Variants in PTK2B observed in about 807,000 individuals in gnomAD.
PTK2B encodes protein-tyrosine kinase 2-beta.
A neutral mutation model predicts 142.9 loss-of-function variants in PTK2B; 71 were observed. The observed-to-expected ratio is 0.50, with a 90% CI of 0.41 to 0.61. PTK2B has a LOEUF of 0.61. PTK2B is among the 20% of genes least tolerant of loss of function. The pLI, the probability that PTK2B is intolerant of heterozygous loss-of-function variation, is 0.00. For missense variants in PTK2B, 1,105 were observed against 1,320.4 expected (o/e 0.84, Z 2.53); for synonymous variants, 519 against 503.4 (o/e 1.03, Z -0.42).
chr8:27,420,618 C>T, intron 3 of PTK2B, 39 bp from the exon 4 acceptor site: 2 of 1,581,250 alleles, frequency 1.3e-6, no homozygotes, highest in Non-Finnish European at 1.7e-6. Context: ...CAGGCACCAG[C>T]TTCTCTGTGT....
At chr8:27,439,422 T>C in intron 20 of PTK2B, 24 bp downstream of exon 20, 1 of 1,597,370 alleles carries the variant, frequency 6.3e-7, no homozygotes, top group East Asian at 2.2e-5. Context: ...TGGGAGGGCA[T>C]GAAAAGGTGT....
At chr8:27,444,378 G>A (rs1452763798) in intron 23 of PTK2B, 107 bp downstream of exon 23, 5 of 1,286,536 alleles carry the variant, frequency 3.9e-6, no homozygotes, top group Non-Finnish European at 5.6e-6. Context: ...TTGGGTGATG[G>A]AGATGGCCTA....
intron 1 of PTK2B, among the ~76,000 whole-genome samples, chr8:27,351,307 C>T (rs922197573): frequency 6.6e-5 from 10 of 151,568 alleles, no homozygotes; most frequent in African/African-American, 2.4e-4. Flanking sequence ...AATATTAAGC[C>T]GATAGGAACT....
At chr8:27,330,184 A>C (rs1480442218) in intron 1 of PTK2B, among the ~76,000 whole-genome samples, 3 of 152,200 alleles carry the variant, frequency 2.0e-5, no homozygotes, top group Non-Finnish European at 4.4e-5. Flanking sequence ...CACCCACTGA[A>C]TAATAATAGC....
intron 1 of PTK2B, among the ~76,000 whole-genome samples, chr8:27,332,374 A>G (rs1803806478): frequency 2.0e-5 from 3 of 152,230 alleles, no homozygotes; most frequent in East Asian, 1.9e-4. Context: ...CATCACAGGC[A>G]TTGTCCCAGG....
chr8:27,433,457 C>T lies in PTK2B; in HGVS notation c.1010C>T (p.Ser337Phe). The change falls in exon 11 of 31, where the codon TCC becomes TTC. Residue 337 changes from serine to phenylalanine, a missense_variant. By Grantham distance (155) the Ser-to-Phe change is radical. Coordinates refer to ENST00000346049, the MANE Select transcript of PTK2B (RefSeq NM_173176.3). Reference protein sequence around the residue: ...APQALSIKTSSLAEAENMADL... With the variant: ...APQALSIKTSFLAEAENMADL... ...CAGGCCTTGTCCATCAAAACCTCAT[C>T]CCTAGCAGAGGCTGAGAACATGGCT... 1 of 1,614,180 alleles carries T rather than the reference C, an allele frequency of 6.2e-7. No individual in the cohort carries two copies. The highest frequency in any genetic ancestry group is 8.5e-7 in the Non-Finnish European group (1 of 1,180,002).
intron 1 of PTK2B, among the ~76,000 whole-genome samples, chr8:27,376,180 C>G (rs1409278109): frequency 6.6e-6 from 1 of 152,214 alleles, no homozygotes; most frequent in Non-Finnish European, 1.5e-5. Flanking sequence ...AGACCTAGAC[C>G]CAGACAACAG....
intron 1 of PTK2B, among the ~76,000 whole-genome samples, chr8:27,358,376 A>G (rs558843824): frequency 1.6e-3 from 238 of 152,314 alleles, no homozygotes; most frequent in Non-Finnish European, 2.5e-3. Flanking sequence ...TGGTGCATAT[A>G]AGCTTATGAT....
intron 1 of PTK2B, among the ~76,000 whole-genome samples, chr8:27,331,537 C>T (rs1803749244): frequency 6.6e-6 from 1 of 152,092 alleles, no homozygotes; most frequent in Non-Finnish European, 1.5e-5. Context: ...CAGGCACATG[C>T]CACCACACCT....
At chr8:27,344,714 C>T (rs1804612994) in intron 1 of PTK2B, among the ~76,000 whole-genome samples, 1 of 152,190 alleles carries the variant, frequency 6.6e-6, no homozygotes, top group Middle Eastern at 3.2e-3. Context: ...CAGGTGTAAA[C>T]TCACTTCCTT....
chr8:27,455,170 T>A (rs752994), intron 30 of PTK2B, among the ~76,000 whole-genome samples: 61,951 of 151,744 alleles, frequency 0.41, 13,069 homozygotes, highest in African/African-American at 0.47. Context: ...GTGATAAAGT[T>A]AAGGACCTTG....
At chr8:27,360,876 A>C (rs539859692) in intron 1 of PTK2B, among the ~76,000 whole-genome samples, 290 of 152,294 alleles carry the variant, frequency 1.9e-3, no homozygotes, top group Non-Finnish European at 3.4e-3. Context: ...AGGGCCCCCA[A>C]TTATTCTCGA....
At chr8:27,431,146 C>T in intron 8 of PTK2B, 130 bp downstream of exon 8, 1 of 1,492,056 alleles carries the variant, frequency 6.7e-7, no homozygotes, top group Non-Finnish European at 9.0e-7. Context: ...CCTCGCTGAC[C>T]TGCCGTCGGT....
intron 1 of PTK2B, among the ~76,000 whole-genome samples, chr8:27,337,805 G>GT (rs1433058692): frequency 2.0e-5 from 3 of 152,076 alleles, no homozygotes. Context: ...TTTGACCATT[G>GT]TAAGTACTGC....
At chr8:27,440,512 AG>A in intron 21 of PTK2B, 71 bp downstream of exon 21, 1 of 1,529,198 alleles carries the variant, frequency 6.5e-7, no homozygotes, top group Non-Finnish European at 9.0e-7. Context: ...CAGCACACAG[AG>A]AGGTTTGCAC....
chr8:27,375,254 G>T (rs1806596726), intron 1 of PTK2B, among the ~76,000 whole-genome samples: 1 of 152,182 alleles, frequency 6.6e-6, no homozygotes. Flanking sequence ...GACCAGTGAG[G>T]CCCTCCTGAG....
At chr8:27,321,805 A>G (rs981840360), upstream of PTK2B, among the ~76,000 whole-genome samples, 1 of 152,212 alleles carries the variant, frequency 6.6e-6, no homozygotes, top group African/African-American at 2.4e-5. Flanking sequence ...AATATTAAGG[A>G]AAGAAAAGAG....
chr8:27,334,760 C>T (rs966024784), intron 1 of PTK2B, among the ~76,000 whole-genome samples: 1 of 152,158 alleles, frequency 6.6e-6, no homozygotes, highest in Non-Finnish European at 1.5e-5. Context: ...GGTGTCGCAA[C>T]AGCCAGTTGC....
At position 27,433,978 on chromosome 8, in the gene PTK2B, GA is replaced by G. The variant is rs1179973638; in HGVS notation, c.1106-113del. 1.6e-5 allele frequency: 21 copies of G among 1,350,002 alleles called. No homozygotes were observed. The East Asian group carries it at 4.8e-4, about 31-fold the overall frequency. 83.6% of individuals were successfully genotyped at this position (1,350,002 alleles called of 1,614,324 possible). ...CTAGCTCCCAGGCTAGGAGAGAATG[GA>G]ATTAGGGGCTGGGATGGGAGGAGAG... is the stretch of plus-strand genomic sequence containing the variant. On this transcript the variant is annotated intron_variant, in intron 11 of 30. Transcript: ENST00000346049.
Sources: gnomAD v4.1 joint callset for allele counts (sites outside exome capture counted in the v4.1 genomes callset) on GRCh38, gnomAD v4.1.1 for gene constraint, MANE v1.5 for transcripts, NCBI Gene and HGNC (gene_info 2026-07-23, HGNC 2026-07-21) for gene names.